The following HIGD1A variants were observed in gnomAD, a reference collection of about 807,000 sequenced individuals.
The protein encoded by HIGD1A is HIG1 domain family member 1A, mitochondrial.
Under a neutral mutation model 11.3 loss-of-function variants are expected in HIGD1A, and 8 were observed. The observed-to-expected ratio is 0.71, with a 90% CI of 0.42 to 1.28. The LOEUF (loss-of-function observed/expected upper bound fraction) is 1.28, where lower values mean the gene tolerates loss of function less well. HIGD1A is among the 50% of genes most tolerant of loss of function. The probability of loss-of-function intolerance (pLI) is 0.01; values close to 1 mark genes in which losing one functional copy is unlikely to be tolerated. For missense variants in HIGD1A, 107 were observed against 118.8 expected (o/e 0.90, Z 0.46); for synonymous variants, 32 against 38.4 (o/e 0.83, Z 0.62).
Position 42,794,362 on chromosome 3 carries a change from C to T in HIGD1A, c.-22-87G>A, listed in dbSNP as rs979594582. 4 of 1,217,444 alleles carry T rather than the reference C, an allele frequency of 3.3e-6. No individual in the cohort carries two copies. The Admixed American group carries it at 1.3e-4, about 41-fold the overall frequency. 75.4% of individuals were successfully genotyped at this position (1,217,444 alleles called of 1,614,324 possible). A position where few individuals can be genotyped will look rare whatever the true frequency, so the allele number is the denominator to read the frequency against. On this transcript the variant is annotated intron_variant, in intron 1 of 3. Transcript: ENST00000321331. ...GATGTATTTAAAATATTCCTAACTTCCATGAGAATCTTAGTATATGTTATC... is the reference window on the plus strand; with the variant it reads ...GATGTATTTAAAATATTCCTAACTTTCATGAGAATCTTAGTATATGTTATC...
chr3:42,785,990 T>C, intron 3 of HIGD1A, 38 bp downstream of exon 3: 1 of 1,607,872 alleles, frequency 6.2e-7, no homozygotes, highest in East Asian at 2.2e-5. Context: ...AATACCTTAA[T>C]GAGAAACGAA....
At chr3:42,804,063 G>A in intron 1 of HIGD1A, 3 of 1,181,626 alleles carry the variant, frequency 2.5e-6, no homozygotes, top group South Asian at 2.8e-5. Context: ...TCCAAGCTCC[G>A]GGGAAGCTCC....
At chr3:42,787,099 G>GT (rs1438910845) in intron 2 of HIGD1A, among the ~76,000 whole-genome samples, 2 of 152,034 alleles carry the variant, frequency 1.3e-5, no homozygotes, top group Non-Finnish European at 2.9e-5. Context: ...AAAATGACTG[G>GT]TATAATATAG....
chr3:42,794,685 A>G (rs1700472521), intron 1 of HIGD1A, among the ~76,000 whole-genome samples: 2 of 152,354 alleles, frequency 1.3e-5, no homozygotes, highest in East Asian at 3.9e-4. Flanking sequence ...TGAACCTTCA[A>G]TATCATGTTG....
In HIGD1A at chr3:42,799,736, G is replaced by A. The variant is rs1044700934; in HGVS notation, c.-23+4700C>T. 3.9e-5 allele frequency among the ~76,000 whole-genome samples: 6 copies of A among 152,154 alleles called. No homozygotes were observed. The East Asian group carries it at 7.8e-4, about 20-fold the overall frequency. ...CTCCCAAAGTGCTAGGATTATAGAC[G>A]TGAACCATCATGCCTGGCTCCATCT... On this transcript the variant is annotated intron_variant, in intron 1 of 3. Coordinates refer to ENST00000321331, the MANE Select transcript of HIGD1A (RefSeq NM_014056.4).
In HIGD1A at chr3:42,783,488, GC is replaced by G. The variant is rs1004262868; in HGVS notation, c.*1782del. Among the ~76,000 whole-genome samples the G allele has an allele frequency of 1.3e-5, 2 of 152,028 alleles. No homozygotes were observed. Among genetic ancestry groups the G allele is most frequent in the African/African-American group, 4.8e-5 (2 of 41,406 alleles). On this transcript the variant is annotated 3_prime_UTR_variant, in exon 4 of 4. Coordinates refer to ENST00000321331, the MANE Select transcript of HIGD1A (RefSeq NM_014056.4). ...AAATTAGCCCGACATGGTGGCGCATGCCTGTAATCCCAGCTACTCGGAAGGT... is the reference window on the plus strand; with the variant it reads ...AAATTAGCCCGACATGGTGGCGCATGCTGTAATCCCAGCTACTCGGAAGGT...
intron 1 of HIGD1A, among the ~76,000 whole-genome samples, chr3:42,803,888 G>A (rs1700602552): frequency 6.6e-6 from 1 of 152,152 alleles, no homozygotes; most frequent in African/African-American, 2.4e-5. Flanking sequence ...AGGTCGGGGA[G>A]AAAAGCAAGA....
chr3:42,786,877 G>T (rs1432999961), intron 2 of HIGD1A, among the ~76,000 whole-genome samples: 1 of 152,150 alleles, frequency 6.6e-6, no homozygotes, highest in African/African-American at 2.4e-5. Flanking sequence ...CCAGGCTCAG[G>T]TGATCCTCTT....
At chr3:42,801,333 C>T (rs1447237525) in intron 1 of HIGD1A, among the ~76,000 whole-genome samples, 1 of 152,124 alleles carries the variant, frequency 6.6e-6, no homozygotes, top group East Asian at 1.9e-4. Context: ...TCTTTAAGTT[C>T]GTAAGTGCTT....
intron 2 of HIGD1A, among the ~76,000 whole-genome samples, chr3:42,793,863 T>C (rs1700459199): frequency 6.6e-6 from 1 of 152,068 alleles, no homozygotes; most frequent in African/African-American, 2.4e-5. Context: ...TCCCAGCTAC[T>C]TAGGAGGCTG....
chr3:42,792,649 G>C (rs1216393328), intron 2 of HIGD1A, among the ~76,000 whole-genome samples: 1 of 148,202 alleles, frequency 6.7e-6, no homozygotes, highest in East Asian at 2.0e-4. Context: ...ACTCCAGCCT[G>C]GGCGACAGAG....
intron 1 of HIGD1A, among the ~76,000 whole-genome samples, chr3:42,800,395 G>T (rs1700541814): frequency 6.6e-6 from 1 of 151,670 alleles, no homozygotes; most frequent in African/African-American, 2.4e-5. Flanking sequence ...CAAAGGGGAA[G>T]TTTATCACAA....
intron 2 of HIGD1A, among the ~76,000 whole-genome samples, chr3:42,791,220 A>G (rs147629898): frequency 1.4e-3 from 208 of 152,326 alleles, no homozygotes; most frequent in African/African-American, 4.8e-3. Flanking sequence ...AATAAGTTAG[A>G]TTTTGCCTCA....
intron 2 of HIGD1A, among the ~76,000 whole-genome samples, chr3:42,786,851 C>T (rs1700358380): frequency 6.6e-6 from 1 of 152,198 alleles, no homozygotes; most frequent in Non-Finnish European, 1.5e-5. Context: ...TCATAGCTCA[C>T]TGCAGCCTTG....
intron 1 of HIGD1A, among the ~76,000 whole-genome samples, chr3:42,796,455 A>G (rs1256501293): frequency 6.7e-6 from 1 of 148,200 alleles, no homozygotes; most frequent in Non-Finnish European, 1.5e-5. Context: ...TTAAAAAAAA[A>G]AGAGAAATCA....
At position 42,784,583 on chromosome 3, in the gene HIGD1A, T is replaced by C. The variant is rs1309010246; in HGVS notation, c.*688A>G. ...TTTGCGTGAGTGCTTAAAATACATA[T>C]TTCTATTTCAAGATGACATTTAAAA... On this transcript the variant is annotated 3_prime_UTR_variant, in exon 4 of 4. Transcript: ENST00000321331. The C allele has an allele frequency of 6.6e-6, 1 of 152,654 alleles. No homozygotes were observed. The highest frequency in any genetic ancestry group is 1.5e-5 in the Non-Finnish European group (1 of 68,044). The allele number at this position is 152,654 out of a possible 1,614,324, so 9.5% of individuals were successfully genotyped here.
At chr3:42,802,153 G>A (rs2125596193) in intron 1 of HIGD1A, among the ~76,000 whole-genome samples, 1 of 152,044 alleles carries the variant, frequency 6.6e-6, no homozygotes, top group Admixed American at 6.5e-5. Context: ...GGTCAATGGA[G>A]CAAAAGGTTT....
intron 2 of HIGD1A, among the ~76,000 whole-genome samples, chr3:42,789,338 T>A (rs990701427): frequency 6.6e-6 from 1 of 152,012 alleles, no homozygotes; most frequent in Non-Finnish European, 1.5e-5. Context: ...CCACTGTGCC[T>A]GGCCTACTTT....
chr3:42,801,403 G>A (rs528649624), intron 1 of HIGD1A, among the ~76,000 whole-genome samples: 2 of 152,300 alleles, frequency 1.3e-5, no homozygotes, highest in East Asian at 3.9e-4. Flanking sequence ...GCACCAGTTT[G>A]TCTGTTTCTT....
Sources: allele counts gnomAD v4.1 joint callset (sites outside exome capture counted in the v4.1 genomes callset), GRCh38; gene constraint gnomAD v4.1.1; transcripts MANE v1.5; gene names NCBI Gene and HGNC (gene_info 2026-07-23, HGNC 2026-07-21).